The following FIG4 variants were observed in gnomAD, a reference collection of about 807,000 sequenced individuals.
FIG4 encodes FIG4 phosphoinositide 5-phosphatase, also known as polyphosphoinositide phosphatase.
A neutral mutation model predicts 118.6 loss-of-function variants in FIG4; 112 were observed. The ratio of observed to expected loss-of-function variants is 0.94; its 90% confidence interval spans 0.81 to 1.11. The LOEUF (loss-of-function observed/expected upper bound fraction) is 1.11. FIG4 is among the 50% of genes least tolerant of loss of function. FIG4 has a pLI of 0.00. For synonymous variants in FIG4, 369 were observed against 381.2 expected, an observed-to-expected ratio of 0.97 and a Z score of 0.37; for missense variants, 969 against 1,111.7, an observed-to-expected ratio of 0.87 and a Z score of 1.83.
At chr6:109,702,112 T>G (rs752399077) in intron 1 of FIG4, among the ~76,000 whole-genome samples, 42 of 152,190 alleles carry the variant, frequency 2.8e-4, no homozygotes, top group Non-Finnish European at 5.1e-4. Flanking sequence ...AAATAATACA[T>G]TTAATCTGAA....
Position 109,765,068 on chromosome 6 carries a change from A to G in FIG4, c.1490A>G (p.Gln497Arg), listed in dbSNP as rs748473120. The G allele has an allele frequency of 6.2e-7, 1 of 1,613,826 alleles. No individual in the cohort carries two copies. The highest frequency in any genetic ancestry group is 1.1e-5 in the South Asian group (1 of 91,082). The change falls in exon 14 of 23, where the codon CAG (glutamine) becomes CGG (arginine). Residue 497 changes from glutamine (Q) to arginine (R), a missense_variant. This residue lies in a region of FIG4 where 246 missense variants were observed against 354.3 expected (regional missense o/e 0.69). Transcript: ENST00000230124. ...TGTTTAGATCGCACCAACACAGCACAGTTTATGGTGGGAAAATGTGCTCTG... is the reference window on the plus strand; with the variant it reads ...TGTTTAGATCGCACCAACACAGCACGGTTTATGGTGGGAAAATGTGCTCTG... ...VDCLDRTNTA[Q>R]FMVGKCALAY...
At chr6:109,713,627 A>T (rs554670996) in intron 1 of FIG4, among the ~76,000 whole-genome samples, 2 of 152,304 alleles carry the variant, frequency 1.3e-5, no homozygotes, top group African/African-American at 4.8e-5. Flanking sequence ...GACAGGGTAC[A>T]TGCGCACACG....
At chr6:109,823,248 C>T (rs1404403657) in intron 22 of FIG4, among the ~76,000 whole-genome samples, 1 of 152,008 alleles carries the variant, frequency 6.6e-6, no homozygotes, top group Non-Finnish European at 1.5e-5. Context: ...TTTTGCTGTC[C>T]TCATGCTCTC....
At chr6:109,755,895 G>T (rs572322628) in intron 10 of FIG4, among the ~76,000 whole-genome samples, 1 of 152,048 alleles carries the variant, frequency 6.6e-6, no homozygotes. Flanking sequence ...TATCCAATTT[G>T]CCAGTCTGTG....
intron 1 of FIG4, among the ~76,000 whole-genome samples, chr6:109,713,708 G>A (rs146193398): frequency 4.1e-4 from 63 of 152,288 alleles, no homozygotes; most frequent in Non-Finnish European, 7.9e-4. Flanking sequence ...GTTGGAAGTG[G>A]CAGTGAGCCT....
chr6:109,815,678 A>C (rs2045358205), intron 22 of FIG4, among the ~76,000 whole-genome samples: 1 of 151,968 alleles, frequency 6.6e-6, no homozygotes, highest in African/African-American at 2.4e-5. Flanking sequence ...ATCGGCACTG[A>C]AAGGGACATT....
chr6:109,706,868 G>A (rs998609701), intron 1 of FIG4, among the ~76,000 whole-genome samples: 2 of 151,998 alleles, frequency 1.3e-5, no homozygotes, highest in Admixed American at 6.6e-5. Flanking sequence ...TAACAAGCAC[G>A]TATAGTTTAC....
At position 109,776,965 on chromosome 6, in the gene FIG4, C is replaced by T; in HGVS notation, c.1794C>T (p.Phe598=). ...QDSINLFLGV[F]HPTEGKPHLW... ...CCATTAATCTCTTCCTGGGAGTTTT[C>T]CATCCCACTGAAGGGAAACCTCATC... The change falls in exon 16 of 23, where the codon TTC becomes TTT. Residue 598 remains phenylalanine (F), a synonymous_variant. Coordinates refer to ENST00000230124, the MANE Select transcript of FIG4 (RefSeq NM_014845.6). 6.2e-7 allele frequency: 1 copy of T among 1,613,344 alleles called. No individual in the cohort carries two copies. Among genetic ancestry groups the T allele is most frequent in the Non-Finnish European group, 8.5e-7 (1 of 1,179,432 alleles).
chr6:109,786,395 A>G lies in FIG4; in HGVS notation c.2042A>G (p.Tyr681Cys), dbSNP rs554382573. The change falls in exon 18 of 23, where the codon TAT becomes TGT. Residue 681 changes from tyrosine (Y) to cysteine (C), a missense_variant. By Grantham distance (194) the Tyr-to-Cys change is radical (BLOSUM62 -2). Coordinates refer to ENST00000230124, the MANE Select transcript of FIG4 (RefSeq NM_014845.6). ...IDIHNEFFRP[Y>C]ELSSFDDTFC... ...ATCCACAATGAGTTCTTTCGGCCAT[A>G]TGAGTTGAGCAGCTTTGATGATACC... 6.8e-6 allele frequency: 11 copies of G among 1,614,012 alleles called. No individual in the cohort carries two copies. Among genetic ancestry groups the G allele is most frequent in the Admixed American group, 1.7e-5 (1 of 60,012 alleles).
chr6:109,727,550 A>T (rs182316825), intron 4 of FIG4, among the ~76,000 whole-genome samples: 52 of 152,348 alleles, frequency 3.4e-4, no homozygotes, highest in Admixed American at 6.5e-4. Context: ...AACAATGGCT[A>T]CTATTAGGTG....
intron 5 of FIG4, among the ~76,000 whole-genome samples, chr6:109,733,368 A>G (rs1231922798): frequency 2.0e-5 from 3 of 152,070 alleles, no homozygotes; most frequent in Admixed American, 6.6e-5. Context: ...CGTGACCAGT[A>G]TGTGGGCCTG....
In FIG4 at chr6:109,691,448, G is replaced by C; in HGVS notation, c.13G>C (p.Ala5Pro). Residue 5 changes from alanine (A) to proline (P), a missense_variant, in exon 1 of 23, where the codon GCC becomes CCC. This residue lies in a region of FIG4 where 393 missense variants were observed against 409.4 expected (regional missense o/e 0.96). Coordinates refer to ENST00000230124, the MANE Select transcript of FIG4 (RefSeq NM_014845.6). ...ATTTGCCGCCGCCATGCCCACGGCCGCCGCCCCCATCATCAGCTCGGTCCA... is the reference window on the plus strand; with the variant it reads ...ATTTGCCGCCGCCATGCCCACGGCCCCCGCCCCCATCATCAGCTCGGTCCA... MPTA[A>P]APIISSVQKL... The C allele has an allele frequency of 6.3e-7, 1 of 1,583,004 alleles. No individual in the cohort carries two copies. The highest frequency in any genetic ancestry group is 1.7e-4 in the Middle Eastern group (1 of 6,018).
chr6:109,804,610 T>C (rs1778514219), intron 22 of FIG4, among the ~76,000 whole-genome samples: 1 of 152,232 alleles, frequency 6.6e-6, no homozygotes, highest in African/African-American at 2.4e-5. Context: ...ACAGATCTTT[T>C]AGTATTATAT....
chr6:109,810,813 A>G (rs1163968678), intron 22 of FIG4, among the ~76,000 whole-genome samples: 3 of 152,154 alleles, frequency 2.0e-5, no homozygotes, highest in African/African-American at 7.2e-5. Flanking sequence ...GTTCTGAAAA[A>G]GGTAAGTTTT....
At chr6:109,791,065 G>A (rs910139246) in intron 19 of FIG4, among the ~76,000 whole-genome samples, 2 of 152,166 alleles carry the variant, frequency 1.3e-5, no homozygotes, top group African/African-American at 2.4e-5. Context: ...TGTAGGGTAA[G>A]TTTTGAGAAT....
chr6:109,760,420 C>T (rs766594881), intron 11 of FIG4, 37 bp downstream of exon 11: 1 of 1,584,334 alleles, frequency 6.3e-7, no homozygotes, highest in Non-Finnish European at 8.7e-7. Flanking sequence ...TGATCGTTTC[C>T]TTTTCTTGTG....
chr6:109,733,672 G>A (rs893553267), intron 5 of FIG4, among the ~76,000 whole-genome samples: 5 of 152,028 alleles, frequency 3.3e-5, no homozygotes, highest in African/African-American at 1.2e-4. Flanking sequence ...GAAATGGAGT[G>A]AAGGGCTCCT....
At chr6:109,751,887 TG>T (rs1776715115) in intron 10 of FIG4, among the ~76,000 whole-genome samples, 1 of 151,316 alleles carries the variant, frequency 6.6e-6, no homozygotes, top group Non-Finnish European at 1.5e-5. Context: ...GTGCACAATG[TG>T]CCGATTAGTT....
chr6:109,825,203 C>T lies in FIG4; in HGVS notation c.2662C>T (p.Gln888Ter), dbSNP rs1306576733. Residue 888 changes from glutamine (Q) to a stop codon, truncating the protein, a stop_gained, in exon 23 of 23, where the codon CAG becomes TAG. Coordinates refer to ENST00000230124, the MANE Select transcript of FIG4 (RefSeq NM_014845.6). LOFTEE classifies it high-confidence loss of function. ...CATCCAGGCCAGCCAAGGTATCATG[C>T]AGCCCCTAGGAAAAGAGGACTCCTC... ...AHIQASQGIM[Q>*]PLGKEDSSMY... is the part of the protein sequence containing the mutation. 6.2e-7 allele frequency: 1 copy of T among 1,614,110 alleles called. No homozygotes were observed. Among genetic ancestry groups the T allele is most frequent in the Non-Finnish European group, 8.5e-7 (1 of 1,179,958 alleles).
Sources: allele counts gnomAD v4.1 joint callset (sites outside exome capture counted in the v4.1 genomes callset), GRCh38; gene constraint gnomAD v4.1.1; regional missense constraint gnomAD v4.1.1; transcripts MANE v1.5; gene names NCBI Gene and HGNC (gene_info 2026-07-23, HGNC 2026-07-21).